The following MARCHF6 variants were observed in gnomAD, a reference collection of about 807,000 sequenced individuals.
MARCHF6 encodes membrane associated ring-CH-type finger 6.
MARCHF6 carries 31 observed loss-of-function variants against 133.7 expected under a neutral mutation model. The ratio of observed to expected loss-of-function variants is 0.23; its 90% CI spans 0.17 to 0.31. The LOEUF (loss-of-function observed/expected upper bound fraction) is 0.31. Ranked by LOEUF, MARCHF6 falls within the 10% of genes least tolerant of loss-of-function variation. The pLI is 1.00. For synonymous variants in MARCHF6, 395 were observed against 402.5 expected (o/e 0.98, Z 0.22); for missense variants, 723 against 1,121.6 (o/e 0.64, Z 5.08).
At chr5:10,366,380 A>G (rs927224615) in intron 1 of MARCHF6, among the ~76,000 whole-genome samples, 2 of 152,222 alleles carry the variant, frequency 1.3e-5, no homozygotes, top group African/African-American at 4.8e-5. Context: ...AATTGTAGCT[A>G]CTAATTGTAA....
At chr5:10,387,306 C>CTT (rs1241488268) in intron 5 of MARCHF6, among the ~76,000 whole-genome samples, 1 of 139,778 alleles carries the variant, frequency 7.2e-6, no homozygotes, top group Non-Finnish European at 1.6e-5. Context: ...TTCTTTCTTT[C>CTT]TTTTTTTTTT....
At chr5:10,391,775 T>C in intron 7 of MARCHF6, 44 bp downstream of exon 7, 1 of 1,414,402 alleles carries the variant, frequency 7.1e-7, no homozygotes, top group Non-Finnish European at 9.3e-7. Flanking sequence ...ACTGCAAATC[T>C]GTTCTCAACT....
At chr5:10,404,031 CTTTATTTATTTATTTATTTATTTATTTA>C (rs36021721) in intron 15 of MARCHF6, among the ~76,000 whole-genome samples, 39 of 143,442 alleles carry the variant, frequency 2.7e-4, no homozygotes, top group Admixed American at 4.2e-4. Context: ...GATGGATTAC[CTTTATTTATTTATTTATTTATTTATTTA>C]TTTATTTATT....
intron 8 of MARCHF6, among the ~76,000 whole-genome samples, 194 bp from the exon 9 acceptor site, chr5:10,394,559 C>A (rs2126740101): frequency 6.6e-6 from 1 of 151,838 alleles, no homozygotes; most frequent in East Asian, 1.9e-4. Context: ...TAAAAGGAGA[C>A]CCAAAATATA....
chr5:10,354,267 G>C (rs537153567), intron 1 of MARCHF6, among the ~76,000 whole-genome samples: 2 of 152,138 alleles, frequency 1.3e-5, no homozygotes, highest in African/African-American at 4.8e-5. Context: ...GGCGTTTTCC[G>C]CACCCTTCCC....
At chr5:10,399,257 T>C (rs1369813255) in intron 10 of MARCHF6, among the ~76,000 whole-genome samples, 1 of 152,116 alleles carries the variant, frequency 6.6e-6, no homozygotes, top group Non-Finnish European at 1.5e-5. Context: ...CCTTACCTTA[T>C]TAAATTTCTT....
At chr5:10,432,883 CT>C (rs1404998201) in intron 25 of MARCHF6, among the ~76,000 whole-genome samples, 2 of 149,950 alleles carry the variant, frequency 1.3e-5, no homozygotes, top group East Asian at 3.9e-4. Context: ...TCCAGTTTTA[CT>C]TTCATCCCTT....
chr5:10,402,563 G>A lies in MARCHF6; in HGVS notation c.1153G>A (p.Val385Ile). The A allele has an allele frequency of 6.2e-7, 1 of 1,613,904 alleles. No individual in the cohort carries two copies. The highest frequency in any genetic ancestry group is 8.5e-7 in the Non-Finnish European group (1 of 1,179,862). Reference sequence around the variant, plus strand: ...TTTGTTAGTGGTGGTAGAAATTGGAGTATTCCCTCTCATTTGTGGTTGGTG... The same window carrying A: ...TTTGTTAGTGGTGGTAGAAATTGGAATATTCCCTCTCATTTGTGGTTGGTG... ...VSLLVVVEIG[V>I]FPLICGWWLD... The change falls in exon 14 of 26, where the codon GTA becomes ATA. Residue 385 changes from valine (V) to isoleucine (I), a missense_variant. This residue lies in a region of MARCHF6 where 492 missense variants were observed against 699.5 expected (regional missense o/e 0.70). Transcript: ENST00000274140.
Position 10,428,331 on chromosome 5 carries a change from G to GTT in MARCHF6, c.2507-1537_2507-1536dup, listed in dbSNP as rs10604024. Among the ~76,000 whole-genome samples the GTT allele has an allele frequency of 6.6e-3, 502 of 75,794 alleles. 49 individuals carry two copies. The highest frequency in any genetic ancestry group is 0.025 in the African/African-American group (460 of 18,760). 49.7% of individuals were successfully genotyped at this position (75,794 alleles called of 152,430 possible). ...ATATTTCAAAGCCCATTGCTTTTTA[G>GTT]TTTTTTTTTTTTTTTTTTTTTTTTT... On this transcript the variant is annotated intron_variant, in intron 24 of 25. Transcript: ENST00000274140.
chr5:10,367,385 A>AC (rs1436313101), intron 1 of MARCHF6, among the ~76,000 whole-genome samples: 16 of 152,146 alleles, frequency 1.1e-4, no homozygotes, highest in Non-Finnish European at 1.9e-4. Context: ...GTATATGGGA[A>AC]CTCTGTACTC....
At chr5:10,404,076 T>TTTATTTATTTATTTAC (rs1455930593) in intron 15 of MARCHF6, among the ~76,000 whole-genome samples, 1 of 136,210 alleles carries the variant, frequency 7.3e-6, no homozygotes, top group Non-Finnish European at 1.6e-5. Flanking sequence ...TATTTATTTA[T>TTTATTTATTTATTTAC]TTACTTATTT....
At chr5:10,419,250 T>C (rs1326107873) in intron 22 of MARCHF6, among the ~76,000 whole-genome samples, 1 of 152,164 alleles carries the variant, frequency 6.6e-6, no homozygotes, top group African/African-American at 2.4e-5. Context: ...TTCAGTATAG[T>C]ATTCAGTAAA....
At chr5:10,354,051 G>A (rs1235685636) in intron 1 of MARCHF6, 134 bp downstream of exon 1, 4 of 848,728 alleles carry the variant, frequency 4.7e-6, no homozygotes, top group Non-Finnish European at 6.6e-6. Context: ...CCACCCGCTG[G>A]GCCTCTGGGC....
intron 10 of MARCHF6, among the ~76,000 whole-genome samples, chr5:10,400,001 T>C (rs2640707): frequency 0.17 from 25,520 of 152,036 alleles, 3,323 homozygotes; most frequent in East Asian, 0.67. Flanking sequence ...TAGATTCAGG[T>C]TGAATACATC....
intron 1 of MARCHF6, 150 bp downstream of exon 1, chr5:10,354,067 A>G (rs1735280178): frequency 2.9e-6 from 2 of 699,432 alleles, no homozygotes; most frequent in Non-Finnish European, 4.2e-6. Flanking sequence ...TGGGCCGGGG[A>G]GCGGAAGGTG....
At position 10,403,428 on chromosome 5, in the gene MARCHF6, A is replaced by G; in HGVS notation, c.1219A>G (p.Lys407Glu). The G allele has an allele frequency of 6.2e-7, 1 of 1,613,714 alleles. No homozygotes were observed. Among genetic ancestry groups the G allele is most frequent in the Non-Finnish European group, 8.5e-7 (1 of 1,179,816 alleles). The change falls in exon 15 of 26, where the codon AAA (lysine) becomes GAA (glutamate). Residue 407 changes from lysine (K) to glutamate (E), a missense_variant. This residue lies in a region of MARCHF6 where 492 missense variants were observed against 699.5 expected (regional missense o/e 0.70). Coordinates refer to ENST00000274140, the MANE Select transcript of MARCHF6 (RefSeq NM_005885.4). ...TCAGGAAATGTTTGATGCTACTCTG[A>G]AAGATCGAGAACTGAGCTTTCAGTC... ...CSLEMFDATLKDRELSFQSAP... is the reference protein window; with the variant it reads ...CSLEMFDATLEDRELSFQSAP...
chr5:10,363,974 T>A (rs1735976740), intron 1 of MARCHF6, among the ~76,000 whole-genome samples: 1 of 152,220 alleles, frequency 6.6e-6, no homozygotes, highest in Non-Finnish European at 1.5e-5. Flanking sequence ...AAGTATCCAC[T>A]AATAGTTACA....
chr5:10,431,218 C>T (rs1161683335), intron 25 of MARCHF6, among the ~76,000 whole-genome samples: 1 of 152,158 alleles, frequency 6.6e-6, no homozygotes, highest in Admixed American at 6.5e-5. Flanking sequence ...GTACAAAGGA[C>T]TGTCAACTGA....
intron 3 of MARCHF6, among the ~76,000 whole-genome samples, chr5:10,381,408 CTTGT>C (rs1182006954): frequency 6.6e-6 from 1 of 152,132 alleles, no homozygotes; most frequent in Non-Finnish European, 1.5e-5. Flanking sequence ...GTGTTGATGG[CTTGT>C]TGTCAGCTTC....
Sources: allele counts gnomAD v4.1 joint callset (sites outside exome capture counted in the v4.1 genomes callset), GRCh38; gene constraint gnomAD v4.1.1; regional missense constraint gnomAD v4.1.1; transcripts MANE v1.5; gene names NCBI Gene and HGNC (gene_info 2026-07-23, HGNC 2026-07-21).